MBOAT2: variants seen among roughly 807,000 people sequenced by gnomAD.
MBOAT2 encodes the protein membrane bound glycerophospholipid O-acyltransferase 2.
MBOAT2 carries 28 observed loss-of-function variants against 63.4 expected under a neutral mutation model. The ratio of observed to expected loss-of-function variants is 0.44; its 90% CI spans 0.33 to 0.61. The LOEUF (loss-of-function observed/expected upper bound fraction) is 0.61. MBOAT2 is among the 20% of genes least tolerant of loss of function. The probability of loss-of-function intolerance (pLI) is 0.03; values close to 1 mark genes in which losing one functional copy is unlikely to be tolerated. For synonymous variants in MBOAT2, 211 were observed against 215.6 expected (o/e 0.98, Z 0.19); for missense variants, 470 against 605.8 (o/e 0.78, Z 2.35).
At chr2:8,947,818 A>T (rs1668529829) in intron 2 of MBOAT2, among the ~76,000 whole-genome samples, 1 of 152,232 alleles carries the variant, frequency 6.6e-6, no homozygotes, top group Admixed American at 6.5e-5. Context: ...GTGGACAAGG[A>T]GATTAATGTT....
intron 1 of MBOAT2, among the ~76,000 whole-genome samples, chr2:9,001,300 C>T (rs1417195327): frequency 6.6e-6 from 1 of 152,070 alleles, no homozygotes; most frequent in Non-Finnish European, 1.5e-5. Context: ...CGTACTGTAC[C>T]TAATTGTGTA....
chr2:8,898,851 G>A (rs929008354), intron 4 of MBOAT2, among the ~76,000 whole-genome samples: 2 of 152,238 alleles, frequency 1.3e-5, no homozygotes, highest in African/African-American at 4.8e-5. Flanking sequence ...GTATTTGAGA[G>A]AGCAGGTTAT....
At chr2:8,996,952 C>A (rs552586117) in intron 1 of MBOAT2, among the ~76,000 whole-genome samples, 1 of 152,152 alleles carries the variant, frequency 6.6e-6, no homozygotes, top group African/African-American at 2.4e-5. Context: ...GAAAAAGATT[C>A]GTGTGCAAGG....
At chr2:8,858,945 T>C (rs373522447) in intron 12 of MBOAT2, 41 bp from the exon 13 acceptor site, 2 of 1,387,266 alleles carry the variant, frequency 1.4e-6, no homozygotes, top group Non-Finnish European at 1.0e-6. Flanking sequence ...ACTTGATAAT[T>C]AATAATCCTT....
chr2:8,892,764 G>A (rs1664097215), intron 4 of MBOAT2, among the ~76,000 whole-genome samples: 1 of 152,026 alleles, frequency 6.6e-6, no homozygotes, highest in African/African-American at 2.4e-5. Flanking sequence ...GGAGGCCTGG[G>A]GTAAAAATAT....
intron 4 of MBOAT2, among the ~76,000 whole-genome samples, chr2:8,900,751 T>A (rs911340361): frequency 1.3e-5 from 2 of 152,180 alleles, no homozygotes; most frequent in African/African-American, 4.8e-5. Flanking sequence ...TCTCCTTCAA[T>A]GAAAAGAAAG....
At chr2:8,936,786 C>CAAAAAAAAAAAAAAAAA (rs745694357) in intron 3 of MBOAT2, among the ~76,000 whole-genome samples, 4 of 56,282 alleles carry the variant, frequency 7.1e-5, no homozygotes, top group Non-Finnish European at 1.0e-4. Context: ...GACTCCGTCT[C>CAAAAAAAAAAAAAAAAA]AAAAAAAAAA....
At chr2:8,889,590 T>C (rs549682924) in intron 4 of MBOAT2, among the ~76,000 whole-genome samples, 2 of 152,318 alleles carry the variant, frequency 1.3e-5, no homozygotes, top group African/African-American at 2.4e-5. Context: ...TTGAAAATGA[T>C]AAAAATGCCC....
chr2:8,869,164 A>G (rs1662123167), intron 8 of MBOAT2, among the ~76,000 whole-genome samples: 1 of 151,396 alleles, frequency 6.6e-6, no homozygotes, highest in Non-Finnish European at 1.5e-5. Context: ...CTCCTGTCTC[A>G]GCCTCCTGAG....
At chr2:8,917,089 A>C in intron 3 of MBOAT2, among the ~76,000 whole-genome samples, 1 of 152,224 alleles carries the variant, frequency 6.6e-6, no homozygotes, top group East Asian at 1.9e-4. Context: ...GAAAAAATAA[A>C]TTTCAACCCT....
chr2:9,002,744 G>T (rs1018229803), intron 1 of MBOAT2, among the ~76,000 whole-genome samples: 3 of 151,806 alleles, frequency 2.0e-5, no homozygotes, highest in African/African-American at 7.3e-5. Flanking sequence ...CTCAGTAATC[G>T]TTAGGCCCTT....
intron 2 of MBOAT2, among the ~76,000 whole-genome samples, chr2:8,946,019 C>G (rs969299625): frequency 1.3e-5 from 2 of 152,174 alleles, no homozygotes; most frequent in African/African-American, 4.8e-5. Context: ...TACTTCAATA[C>G]TGTACGATAT....
At chr2:8,990,974 CCT>C (rs1408067068) in intron 1 of MBOAT2, among the ~76,000 whole-genome samples, 1 of 152,148 alleles carries the variant, frequency 6.6e-6, no homozygotes, top group East Asian at 1.9e-4. Flanking sequence ...AAACCTCTCC[CCT>C]GTCCTCTACC....
intron 1 of MBOAT2, among the ~76,000 whole-genome samples, chr2:8,980,644 C>A (rs967104126): frequency 1.1e-4 from 17 of 152,084 alleles, no homozygotes; most frequent in Admixed American, 1.1e-3. Flanking sequence ...ACAAAACAAC[C>A]TTTTTATAAA....
intron 3 of MBOAT2, among the ~76,000 whole-genome samples, chr2:8,914,173 AGTGGGAGGG>A (rs1013065354): frequency 3.2e-4 from 49 of 152,266 alleles, no homozygotes; most frequent in African/African-American, 1.1e-3. Context: ...TGGGAGGAAG[AGTGGGAGGG>A]GTGTGAGGGA....
chr2:8,880,388 G>A (rs1572950602), intron 6 of MBOAT2, among the ~76,000 whole-genome samples: 1 of 152,174 alleles, frequency 6.6e-6, no homozygotes, highest in Admixed American at 6.5e-5. Context: ...TAGCTAACTG[G>A]GTGAAAATGG....
chr2:8,941,654 GA>G lies in MBOAT2; in HGVS notation c.299+1532del, dbSNP rs562089473. 8.7e-3 allele frequency among the ~76,000 whole-genome samples: 1,113 copies of G among 128,302 alleles called. 10 individuals carry two copies. The highest frequency in any genetic ancestry group is 0.024 in the South Asian group (97 of 4,068). The allele number at this position is 128,302 out of a possible 152,430, so 84.2% of individuals were successfully genotyped here. ...AACAGAGTGAGACTCCGTCTCAAAG[GA>G]AAAAAAAAAAAAAGAAATGTGGCTA... is the stretch of plus-strand genomic sequence containing the variant. On this transcript the variant is annotated intron_variant, in intron 3 of 12. Transcript: ENST00000305997.
Position 8,901,096 on chromosome 2 carries a change from G to A in MBOAT2, c.395+7525C>T, listed in dbSNP as rs62104420. On this transcript the variant is annotated intron_variant, in intron 4 of 12. Transcript: ENST00000305997. ...CAACAGTCCCTGGACCCTGCTGATC[G>A]GAATAGTTGTGCTCACTGATGCAGC... Among the ~76,000 whole-genome samples the A allele has an allele frequency of 5.3e-3, 807 of 151,384 alleles. 5 individuals carry two copies. Among genetic ancestry groups the A allele is most frequent in the Non-Finnish European group, 7.2e-3 (485 of 67,804 alleles).
At chr2:8,936,462 T>C (rs1026659312) in intron 3 of MBOAT2, among the ~76,000 whole-genome samples, 13 of 152,202 alleles carry the variant, frequency 8.5e-5, no homozygotes, top group Admixed American at 3.3e-4. Context: ...CAATAATTTA[T>C]TGCATTTACT....
Sources: gnomAD v4.1 joint callset for allele counts (sites outside exome capture counted in the v4.1 genomes callset) on GRCh38, gnomAD v4.1.1 for gene constraint, MANE v1.5 for transcripts, NCBI Gene and HGNC (gene_info 2026-07-23, HGNC 2026-07-21) for gene names.